Variants in MEGF11 observed in about 807,000 individuals in gnomAD.
MEGF11 encodes multiple EGF like domains 11, also known as multiple epidermal growth factor-like domains protein 11.
MEGF11 carries 126 observed loss-of-function variants against 146.6 expected under a neutral mutation model. That is an observed-to-expected ratio of 0.86 (90% CI 0.74 to 1.00). MEGF11 has a LOEUF of 1.00. Ranked by LOEUF, MEGF11 falls within the 50% of genes least tolerant of loss-of-function variation. The pLI, the probability that MEGF11 is intolerant of heterozygous loss-of-function variation, is 0.00. For synonymous variants in MEGF11, 532 were observed against 583.4 expected (o/e 0.91, Z 1.27); for missense variants, 1,509 against 1,521.2 (o/e 0.99, Z 0.13).
At chr15:66,128,272 G>C in intron 2 of MEGF11, 34 bp downstream of exon 2, 1 of 1,393,318 alleles carries the variant, frequency 7.2e-7, no homozygotes, top group South Asian at 1.5e-5. Flanking sequence ...CGATCCCCCA[G>C]AGAGTGCCTG....
At chr15:66,244,176 G>A (rs1198068754) in intron 1 of MEGF11, among the ~76,000 whole-genome samples, 2 of 152,126 alleles carry the variant, frequency 1.3e-5, no homozygotes, top group African/African-American at 4.8e-5. Flanking sequence ...CCTTGCTATG[G>A]TCTCACACCT....
At chr15:65,958,388 G>T (rs956939536) in intron 9 of MEGF11, among the ~76,000 whole-genome samples, 4 of 152,230 alleles carry the variant, frequency 2.6e-5, no homozygotes, top group Admixed American at 6.5e-5. Flanking sequence ...GACCTCCAGA[G>T]AGTAGGGCAA....
At chr15:65,977,430 C>T (rs557282900) in intron 7 of MEGF11, among the ~76,000 whole-genome samples, 3 of 151,604 alleles carry the variant, frequency 2.0e-5, no homozygotes, top group African/African-American at 7.3e-5. Flanking sequence ...CCTTCTCAAA[C>T]CTGAGCATCT....
intron 10 of MEGF11, among the ~76,000 whole-genome samples, chr15:65,939,890 A>T (rs1567167257): frequency 2.0e-5 from 3 of 152,200 alleles, no homozygotes; most frequent in Non-Finnish European, 2.9e-5. Flanking sequence ...ATAATCATTT[A>T]AAAAATTCAG....
rs530642459 is a variant in MEGF11, at chr15:66,023,483, C to A, written c.395-40995G>T. 7.2e-5 allele frequency among the ~76,000 whole-genome samples: 11 copies of A among 152,320 alleles called. No homozygotes were observed. The East Asian group carries it at 9.7e-4, about 13-fold the overall frequency. On this transcript the variant is annotated intron_variant, in intron 5 of 25. Transcript: ENST00000395614. ...ATGAATGGGTGGTCAGGTGTGAGGA[C>A]GTCAGCCAAGGCTCCCTGCCAGGGA...
chr15:65,948,509 T>C (rs1186216797), intron 10 of MEGF11, among the ~76,000 whole-genome samples: 3 of 152,184 alleles, frequency 2.0e-5, no homozygotes, highest in Non-Finnish European at 4.4e-5. Flanking sequence ...CTGTGTTTCC[T>C]AAGGTCACAC....
At chr15:66,159,464 T>C (rs1422340137) in intron 1 of MEGF11, among the ~76,000 whole-genome samples, 1 of 152,152 alleles carries the variant, frequency 6.6e-6, no homozygotes, top group African/African-American at 2.4e-5. Flanking sequence ...ATCCAACGTT[T>C]TATACATTGG....
chr15:66,239,826 T>G (rs961066134), intron 1 of MEGF11, among the ~76,000 whole-genome samples: 1 of 152,106 alleles, frequency 6.6e-6, no homozygotes, highest in Non-Finnish European at 1.5e-5. Flanking sequence ...CAGGGTCAGG[T>G]GATATGACCC....
At chr15:65,995,781 T>C (rs79527884) in intron 5 of MEGF11, among the ~76,000 whole-genome samples, 10 of 152,320 alleles carry the variant, frequency 6.6e-5, no homozygotes, top group African/African-American at 2.4e-4. Context: ...ACTTCCTTAC[T>C]GGCAGAGCAG....
At position 66,092,031 on chromosome 15, in the gene MEGF11, T is replaced by G. The variant is rs1259046274; in HGVS notation, c.394+2371A>C. On this transcript the variant is annotated intron_variant, in intron 5 of 25. Transcript: ENST00000395614. ...ACACACAGACTGTGGTCTTATCCAA[T>G]GAGGTCCTTGGAAGAAATTCCAGGG... is the stretch of plus-strand genomic sequence containing the variant. 2.6e-5 allele frequency among the ~76,000 whole-genome samples: 4 copies of G among 152,220 alleles called. No homozygotes were observed. The East Asian group carries it at 7.7e-4, about 29-fold the overall frequency.
At chr15:66,137,057 A>C (rs1009053645) in intron 1 of MEGF11, among the ~76,000 whole-genome samples, 4 of 152,212 alleles carry the variant, frequency 2.6e-5, no homozygotes, top group Non-Finnish European at 5.9e-5. Context: ...GATGCTTGCC[A>C]CAGCACTGAA....
intron 12 of MEGF11, among the ~76,000 whole-genome samples, chr15:65,929,333 G>A (rs1193446638): frequency 6.6e-6 from 1 of 152,220 alleles, no homozygotes. Context: ...GTTGGAACCA[G>A]AAGGAAGCTT....
chr15:66,175,890 T>C (rs929506489), intron 1 of MEGF11, among the ~76,000 whole-genome samples: 4 of 152,070 alleles, frequency 2.6e-5, no homozygotes, highest in Admixed American at 6.6e-5. Context: ...ATCTATAAAA[T>C]TGAAGAAAAC....
At chr15:66,087,182 T>C (rs1224623769) in intron 5 of MEGF11, among the ~76,000 whole-genome samples, 1 of 152,104 alleles carries the variant, frequency 6.6e-6, no homozygotes, top group Non-Finnish European at 1.5e-5. Context: ...AAACAATTAC[T>C]AATAGACATA....
intron 24 of MEGF11, among the ~76,000 whole-genome samples, chr15:65,903,851 T>G (rs2078554823): frequency 6.6e-6 from 1 of 152,246 alleles, no homozygotes; most frequent in African/African-American, 2.4e-5. Flanking sequence ...CATATTTTCC[T>G]CTTTTTCAGT....
At chr15:66,092,966 A>G (rs568482765) in intron 5 of MEGF11, among the ~76,000 whole-genome samples, 1 of 152,332 alleles carries the variant, frequency 6.6e-6, no homozygotes, top group East Asian at 1.9e-4. Context: ...CAGACATTTT[A>G]CCCAGTGTGT....
chr15:66,015,302 C>A (rs2082849994), intron 5 of MEGF11, among the ~76,000 whole-genome samples: 1 of 152,218 alleles, frequency 6.6e-6, no homozygotes. Flanking sequence ...GGGTGAGGGT[C>A]ATCTGGGCAG....
At chr15:66,011,756 T>G (rs1181271601) in intron 5 of MEGF11, among the ~76,000 whole-genome samples, 1 of 150,634 alleles carries the variant, frequency 6.6e-6, no homozygotes, top group Non-Finnish European at 1.5e-5. Flanking sequence ...ATTAAACAAC[T>G]TAAATGGCCA....
chr15:65,973,776 A>G (rs1316253182), intron 7 of MEGF11, among the ~76,000 whole-genome samples: 1 of 152,248 alleles, frequency 6.6e-6, no homozygotes, highest in Non-Finnish European at 1.5e-5. Context: ...ATGACTGTCT[A>G]AGATGGAAAA....
Sources: gnomAD v4.1 joint callset for allele counts (sites outside exome capture counted in the v4.1 genomes callset) on GRCh38, gnomAD v4.1.1 for gene constraint, MANE v1.5 for transcripts, NCBI Gene and HGNC (gene_info 2026-07-23, HGNC 2026-07-21) for gene names.